The following LMX1B variants were observed in gnomAD, a reference collection of about 807,000 sequenced individuals.
LMX1B encodes LIM homeobox transcription factor 1-beta.
A neutral mutation model predicts 51.4 loss-of-function variants in LMX1B; 12 were observed. The ratio of observed to expected loss-of-function variants is 0.23; its 90% CI spans 0.15 to 0.38. The LOEUF is 0.38. Among genes scored for constraint, LMX1B ranks in the 10% least tolerant of loss-of-function variants. LMX1B has a pLI of 1.00. For missense variants in LMX1B, 445 were observed against 571.1 expected, an observed-to-expected ratio of 0.78 and a Z score of 2.25; for synonymous variants, 237 against 235.4, an observed-to-expected ratio of 1.01 and a Z score of -0.06.
At chr9:126,646,340 CCA>C (rs1835900415) in intron 2 of LMX1B, among the ~76,000 whole-genome samples, 1 of 151,972 alleles carries the variant, frequency 6.6e-6, no homozygotes, top group South Asian at 2.1e-4. Flanking sequence ...ACCTACCCAT[CCA>C]TCCATCTACC....
chr9:126,690,726 C>CTTG, intron 2 of LMX1B, 110 bp from the exon 3 acceptor site: 1 of 926,836 alleles, frequency 1.1e-6, no homozygotes, highest in Non-Finnish European at 1.7e-6. Context: ...GCCTCTCCCT[C>CTTG]CCACCTGGGC....
At chr9:126,672,037 G>A (rs555682817) in intron 2 of LMX1B, among the ~76,000 whole-genome samples, 2 of 152,210 alleles carry the variant, frequency 1.3e-5, no homozygotes, top group Admixed American at 6.5e-5. Flanking sequence ...TGCTGGGGCC[G>A]GGCTCCTTCC....
intron 2 of LMX1B, among the ~76,000 whole-genome samples, chr9:126,670,462 T>C (rs10987402): frequency 0.073 from 11,130 of 152,206 alleles, 1,346 homozygotes; most frequent in African/African-American, 0.25. Flanking sequence ...GCAGACGCGC[T>C]CAGATTTGCC....
chr9:126,661,124 C>T (rs1030231580), intron 2 of LMX1B, among the ~76,000 whole-genome samples: 5 of 152,226 alleles, frequency 3.3e-5, no homozygotes, highest in South Asian at 4.1e-4. Flanking sequence ...GTAGTAGACA[C>T]GCCCATACAC....
chr9:126,614,332 C>A lies in LMX1B; in HGVS notation c.-118C>A, dbSNP rs1588256606. ...CCACGATCGCCGGGGGCCGGCGCAA[C>A]CCCTGCCCTGCGGGGGCCGCGCCTC... On this transcript the variant is annotated 5_prime_UTR_variant, in exon 1 of 8. Coordinates refer to ENST00000373474, the MANE Select transcript of LMX1B (RefSeq NM_001174147.2). 1 of 672,602 alleles carries A rather than the reference C, an allele frequency of 1.5e-6. No individual in the cohort carries two copies. Among genetic ancestry groups the A allele is most frequent in the Non-Finnish European group, 1.9e-6 (1 of 540,120 alleles). 41.7% of individuals were successfully genotyped at this position (672,602 alleles called of 1,614,324 possible).
Position 126,677,861 on chromosome 9 carries a change from T to G in LMX1B, c.327-12975T>G, listed in dbSNP as rs1373792205. Among the ~76,000 whole-genome samples the G allele has an allele frequency of 6.6e-6, 1 of 152,168 alleles. No homozygotes were observed. The highest frequency in any genetic ancestry group is 1.5e-5 in the Non-Finnish European group (1 of 68,016). On this transcript the variant is annotated intron_variant, in intron 2 of 7. Transcript: ENST00000373474. The surrounding 1 kb of genome is among the most constrained non-coding windows in gnomAD (Gnocchi z 5.0). ...ACTGGGTAGTAAGGCCCTCCATGACTGGGCTAACAAAGTTGGTGCTATCTC... is the reference window on the plus strand; with the variant it reads ...ACTGGGTAGTAAGGCCCTCCATGACGGGGCTAACAAAGTTGGTGCTATCTC...
At chr9:126,621,652 C>CCTTTTTTTTTTTTTTTTTTTTTTTT (rs1564145908) in intron 2 of LMX1B, among the ~76,000 whole-genome samples, 1 of 100,306 alleles carries the variant, frequency 1.0e-5, no homozygotes. Flanking sequence ...CTCTCTCTCT[C>CCTTTTTTTTTTTTTTTTTTTTTTTT]TTCTTTTTTT....
At chr9:126,645,876 G>A (rs372685323) in intron 2 of LMX1B, among the ~76,000 whole-genome samples, 4 of 152,160 alleles carry the variant, frequency 2.6e-5, no homozygotes, top group Admixed American at 6.5e-5. Context: ...AGGATGGGGT[G>A]GGGGAGAAGC....
chr9:126,676,574 A>C (rs1408978133), intron 2 of LMX1B, among the ~76,000 whole-genome samples: 2 of 152,230 alleles, frequency 1.3e-5, no homozygotes, highest in Non-Finnish European at 2.9e-5. Flanking sequence ...CAGTATTCCA[A>C]GTAGAGCATG....
chr9:126,670,815 A>G (rs892863800), intron 2 of LMX1B, among the ~76,000 whole-genome samples: 1 of 152,220 alleles, frequency 6.6e-6, no homozygotes, highest in Non-Finnish European at 1.5e-5. Flanking sequence ...CACGGACGAA[A>G]AAAGTTTATT....
intron 2 of LMX1B, among the ~76,000 whole-genome samples, chr9:126,683,310 G>C (rs1836712406): frequency 6.6e-6 from 1 of 151,764 alleles, no homozygotes; most frequent in East Asian, 1.9e-4. Flanking sequence ...CCGCCCGCCC[G>C]GCCCGCGGCC....
rs1836504696 is a variant in LMX1B at position 126,673,797 on chromosome 9, G to T, written c.327-17039G>T. Among the ~76,000 whole-genome samples, 1 of 152,148 alleles carries T rather than the reference G, an allele frequency of 6.6e-6. No individual in the cohort carries two copies. Among genetic ancestry groups the T allele is most frequent in the Non-Finnish European group, 1.5e-5 (1 of 68,004 alleles). On this transcript the variant is annotated intron_variant, in intron 2 of 7. Coordinates refer to ENST00000373474, the MANE Select transcript of LMX1B (RefSeq NM_001174147.2). This position sits in a 1 kb window ranked among gnomAD's most constrained non-coding sequence, Gnocchi z 4.4. ...AGGGGTGGTGGGAGGGGCCGGGGTG[G>T]AGGGCGCATCCCCACGGGGAGATTG...
Position 126,698,865 on chromosome 9 carries a change from T to G in LMX1B, c.*2414T>G, listed in dbSNP as rs560854646. On this transcript the variant is annotated 3_prime_UTR_variant, in exon 8 of 8. Coordinates refer to ENST00000373474, the MANE Select transcript of LMX1B (RefSeq NM_001174147.2). ...TCCTTGCCTGACATGTGGCCTCGTGTCACCCATTGGGCCCCAGCAGCCAGC... is the reference window on the plus strand; with the variant it reads ...TCCTTGCCTGACATGTGGCCTCGTGGCACCCATTGGGCCCCAGCAGCCAGC... 6.6e-6 allele frequency: 1 copy of G among 152,512 alleles called. No homozygotes were observed. Among genetic ancestry groups the G allele is most frequent in the South Asian group, 2.1e-4 (1 of 4,828 alleles). The allele number at this position is 152,512 out of a possible 1,614,324, so 9.4% of individuals were successfully genotyped here. A position where few individuals can be genotyped will look rare whatever the true frequency, so the allele number is the denominator to read the frequency against.
chr9:126,644,182 G>A (rs760747292), intron 2 of LMX1B, among the ~76,000 whole-genome samples: 18 of 152,172 alleles, frequency 1.2e-4, no homozygotes, highest in Non-Finnish European at 2.4e-4. Flanking sequence ...TGCCCCCACC[G>A]GGGGGTATCT....
In LMX1B at chr9:126,695,373, G is replaced by A. The variant is rs554837728; in HGVS notation, c.887-466G>A. Among the ~76,000 whole-genome samples, 1 of 152,286 alleles carries A rather than the reference G, an allele frequency of 6.6e-6. No homozygotes were observed. The highest frequency in any genetic ancestry group is 1.9e-4 in the East Asian group (1 of 5,178). On this transcript the variant is annotated intron_variant, in intron 6 of 7. Transcript: ENST00000373474. This position sits in a 1 kb window ranked among gnomAD's most constrained non-coding sequence, Gnocchi z 5.2. ...GTGCTGCACCCTCACTTACCCGGCG[G>A]TCTGTCTCCTCCATGCCTTTGCCGC...
At chr9:126,664,113 T>C (rs1438722289) in intron 2 of LMX1B, among the ~76,000 whole-genome samples, 3 of 152,128 alleles carry the variant, frequency 2.0e-5, no homozygotes, top group Non-Finnish European at 4.4e-5. Context: ...GGAGGATGCC[T>C]GTCCAGCCAG....
At chr9:126,617,674 G>A (rs748853064) in intron 2 of LMX1B, among the ~76,000 whole-genome samples, 11 of 152,190 alleles carry the variant, frequency 7.2e-5, no homozygotes, top group Non-Finnish European at 1.3e-4. Flanking sequence ...GAAAAGGAAA[G>A]AGTCACCTAA....
intron 2 of LMX1B, among the ~76,000 whole-genome samples, chr9:126,690,367 C>T (rs2030076570): frequency 2.0e-5 from 3 of 152,002 alleles, no homozygotes; most frequent in Non-Finnish European, 2.9e-5. Flanking sequence ...GGCAGTTGCT[C>T]GGGCAGGAGA....
At chr9:126,663,064 GCTGTGCAAC>G (rs1453697365) in intron 2 of LMX1B, among the ~76,000 whole-genome samples, 2 of 152,192 alleles carry the variant, frequency 1.3e-5, no homozygotes, top group Non-Finnish European at 2.9e-5. Flanking sequence ...TGGCTCTATT[GCTGTGCAAC>G]CCAGGGCAAG....
Sources: allele counts gnomAD v4.1 joint callset (sites outside exome capture counted in the v4.1 genomes callset), GRCh38; gene constraint gnomAD v4.1.1; non-coding constraint Gnocchi (gnomAD v3.1); transcripts MANE v1.5; gene names NCBI Gene and HGNC (gene_info 2026-07-23, HGNC 2026-07-21).